The following GGA3 variants were observed in gnomAD, a reference collection of about 807,000 sequenced individuals.
GGA3 encodes the protein ADP-ribosylation factor-binding protein GGA3.
In GGA3, 57 loss-of-function variants were observed where a neutral mutation model predicts 77.5. That is an observed-to-expected ratio of 0.74 (90% CI 0.59 to 0.92). The LOEUF (loss-of-function observed/expected upper bound fraction) is 0.92, where lower values mean the gene tolerates loss of function less well. Ranked by LOEUF, GGA3 falls within the 40% of genes least tolerant of loss-of-function variation. GGA3 has a pLI of 0.00. For missense variants in GGA3, 970 were observed against 914.9 expected (o/e 1.06, Z -0.78); for synonymous variants, 416 against 383.7 (o/e 1.08, Z -0.98).
At chr17:75,261,125 A>C (rs1187474859) in intron 1 of GGA3, among the ~76,000 whole-genome samples, 3 of 152,198 alleles carry the variant, frequency 2.0e-5, no homozygotes, top group Non-Finnish European at 4.4e-5. Flanking sequence ...GGCAGCACCC[A>C]CCACTACCGG....
chr17:75,243,274 G>T (rs1354692539), intron 5 of GGA3, 108 bp from the exon 6 acceptor site: 8 of 1,122,962 alleles, frequency 7.1e-6, no homozygotes, highest in Non-Finnish European at 2.6e-6. Flanking sequence ...AAGGGTAGCA[G>T]GGTGGAGGGC....
rs774711149 is a variant in GGA3, at chr17:75,241,066, G to A, written c.947-9C>T. On this transcript the variant is annotated splice_polypyrimidine_tract_variant and intron_variant, in intron 10 of 16. Transcript: ENST00000537686. ...ACTGCACTGACTGTTTCCTGGATGG[G>A]TCAACAGAGCAGAACAGGAATAATT... 2 of 1,614,016 alleles carry A rather than the reference G, an allele frequency of 1.2e-6. No individual in the cohort carries two copies. The highest frequency in any genetic ancestry group is 4.5e-5 in the East Asian group (2 of 44,866).
At position 75,243,071 on chromosome 17, in the gene GGA3, TCTC is replaced by T. The variant is rs775155412; in HGVS notation, c.517_519del (p.Glu173del). The T allele has an allele frequency of 3.5e-5, 56 of 1,610,702 alleles. No homozygotes were observed. Among genetic ancestry groups the T allele is most frequent in the Admixed American group, 1.8e-4 (11 of 59,876 alleles). ...CCCAGGGTGTCCTTTACCTTGGACTTCTCCTCATCATCAAAAACAGGGTTTTTG... is the reference window on the plus strand; with the variant it reads ...CCCAGGGTGTCCTTTACCTTGGACTTCTCATCATCAAAAACAGGGTTTTTG... On this transcript the variant is annotated inframe_deletion, in exon 6 of 17. Transcript: ENST00000537686.
In GGA3 at chr17:75,238,766, AAGAG is replaced by A. The variant is rs762090715; in HGVS notation, c.1951-8_1951-5del. 8.7e-6 allele frequency: 14 copies of A among 1,609,510 alleles called. No homozygotes were observed. Among genetic ancestry groups the A allele is most frequent in the South Asian group, 2.2e-5 (2 of 90,838 alleles). On this transcript the variant is annotated splice_region_variant and splice_polypyrimidine_tract_variant and intron_variant, in intron 15 of 16. Transcript: ENST00000537686. ...GCTGCAACTTCACTTTCATTGACTA[AAGAG>A]AGAGAAACTCCTTTGAAGAGAACTG...
Position 75,244,675 on chromosome 17 carries a change from T to C in GGA3, c.244A>G (p.Asn82Asp). The C allele has an allele frequency of 1.2e-6, 2 of 1,614,040 alleles. No individual in the cohort carries two copies. Among genetic ancestry groups the C allele is most frequent in the Non-Finnish European group, 1.7e-6 (2 of 1,179,886 alleles). The change falls in exon 4 of 17, where the codon AAC (asparagine) becomes GAC (aspartate). Residue 82 changes from asparagine (N) to aspartate (D), a missense_variant. Coordinates refer to ENST00000537686, the MANE Select transcript of GGA3 (RefSeq NM_138619.4). ...AAAAAGCGGAACTTCCCCACTTCGT[T>C]ATGAAATCTCCTCCCACAGTTCTTC... Reference protein sequence around the residue: ...CMKNCGRRFHNEVGKFRFLNE... With the variant: ...CMKNCGRRFHDEVGKFRFLNE...
At chr17:75,258,453 T>G (rs2077231001) in intron 1 of GGA3, among the ~76,000 whole-genome samples, 1 of 152,100 alleles carries the variant, frequency 6.6e-6, no homozygotes, top group African/African-American at 2.4e-5. Flanking sequence ...GTGGCTCACT[T>G]GAGGTCAAGA....
intron 3 of GGA3, among the ~76,000 whole-genome samples, chr17:75,245,794 C>CTA (rs2076735643): frequency 1.3e-5 from 2 of 149,536 alleles, no homozygotes; most frequent in South Asian, 4.2e-4. Context: ...GGTGCTGGGA[C>CTA]TATAGGTACA....
At chr17:75,258,919 A>G (rs116541390) in intron 1 of GGA3, among the ~76,000 whole-genome samples, 1,645 of 151,286 alleles carry the variant, frequency 0.011, 27 homozygotes, top group African/African-American at 0.039. Context: ...AGTTCCCTAA[A>G]GAGAATGCCG....
At position 75,241,030 on chromosome 17, in the gene GGA3, G is replaced by A. The variant is rs755834137; in HGVS notation, c.974C>T (p.Thr325Met). 12 of 1,613,964 alleles carry A rather than the reference G, an allele frequency of 7.4e-6. No individual in the cohort carries two copies. The highest frequency in any genetic ancestry group is 6.7e-5 in the East Asian group (3 of 44,878). The change falls in exon 11 of 17, where the codon ACG becomes ATG. Residue 325 changes from threonine (T) to methionine (M), a missense_variant. Coordinates refer to ENST00000537686, the MANE Select transcript of GGA3 (RefSeq NM_138619.4). ...EGNSQCSNQG[T>M]LIDLAELDTT... Reference sequence around the variant, plus strand: ...GTCCAGCTCCGCAAGGTCGATGAGCGTGCCTTGGTTACTGCACTGACTGTT... The same window carrying A: ...GTCCAGCTCCGCAAGGTCGATGAGCATGCCTTGGTTACTGCACTGACTGTT...
At position 75,255,455 on chromosome 17, in the gene GGA3, C is replaced by T. The variant is rs545663948; in HGVS notation, c.40+6093G>A. Among the ~76,000 whole-genome samples, 158 of 152,224 alleles carry T rather than the reference C, an allele frequency of 1.0e-3. 1 individual carries two copies. In the South Asian group the frequency reaches 0.014, roughly 13 times the overall value. Reference sequence around the variant, plus strand: ...CGTCCTCCTCTTGTATTCCCCCCCACCTTAACCCACAAGTATAAGATACCT... The same window carrying T: ...CGTCCTCCTCTTGTATTCCCCCCCATCTTAACCCACAAGTATAAGATACCT... On this transcript the variant is annotated intron_variant, in intron 1 of 16. Transcript: ENST00000537686.
rs115859508 is a variant in GGA3 at position 75,245,792 on chromosome 17, G to A, written c.201+717C>T. 4.5e-3 allele frequency among the ~76,000 whole-genome samples: 670 copies of A among 150,214 alleles called. 7 individuals are homozygous for A. The highest frequency in any genetic ancestry group is 0.016 in the African/African-American group (634 of 39,608). ...CGGCCTAGGCCCCACAGGGTGCTGGGACTATAGGTACAAGCCACCGTGCCC... is the reference window on the plus strand; with the variant it reads ...CGGCCTAGGCCCCACAGGGTGCTGGAACTATAGGTACAAGCCACCGTGCCC... On this transcript the variant is annotated intron_variant, in intron 3 of 16. Coordinates refer to ENST00000537686, the MANE Select transcript of GGA3 (RefSeq NM_138619.4).
At chr17:75,240,151 A>C in intron 12 of GGA3, 43 bp from the exon 13 acceptor site, 20 of 406,178 alleles carry the variant, frequency 4.9e-5, no homozygotes, top group Non-Finnish European at 8.9e-5. Context: ...GCGGGTGGGG[A>C]GGGCCTGCCG....
In GGA3 at chr17:75,242,483, TGAA is replaced by T. The variant is rs749495563; in HGVS notation, c.610-13_610-11del. On this transcript the variant is annotated splice_polypyrimidine_tract_variant and intron_variant, in intron 7 of 16. Transcript: ENST00000537686. ...GGATCCGTGCCTCGTCCTGCCCCAG[TGAA>T]GAAGTTCAAGAGAAAGAGAGCGTCA... 1.9e-6 allele frequency: 3 copies of T among 1,614,148 alleles called. No individual in the cohort carries two copies. The South Asian group carries it at 3.3e-5, about 18-fold the overall frequency.
rs1385358800 is a variant in GGA3 at position 75,240,059 on chromosome 17, G to A, written c.1313C>T (p.Ala438Val). ...CAGAGGAGCATCGGAGGCGCCACAGGCAGCGGTCCCCGGCCTGGGGCTGAA... is the reference window on the plus strand; with the variant it reads ...CAGAGGAGCATCGGAGGCGCCACAGACAGCGGTCCCCGGCCTGGGGCTGAA... The part of the protein sequence containing the change: ...DFFSPRPGTA[A>V]CGASDAPLLQ... The change falls in exon 13 of 17, where the codon GCC becomes GTC. Residue 438 changes from alanine to valine, a missense_variant. By Grantham distance (64) the Ala-to-Val change is moderately conservative. Transcript: ENST00000537686. 6.4e-7 allele frequency: 1 copy of A among 1,551,718 alleles called. No homozygotes were observed. Among genetic ancestry groups the A allele is most frequent in the East Asian group, 2.4e-5 (1 of 41,286 alleles).
intron 7 of GGA3, among the ~76,000 whole-genome samples, 162 bp downstream of exon 7, chr17:75,242,669 G>A (rs915622063): frequency 2.1e-4 from 32 of 152,134 alleles, no homozygotes; most frequent in African/African-American, 7.2e-5. Flanking sequence ...GTGCTCCCGC[G>A]GAAGCTATTG....
Position 75,239,465 on chromosome 17 carries a change from G to A in GGA3, c.1690C>T (p.Pro564Ser). 1 of 1,581,584 alleles carries A rather than the reference G, an allele frequency of 6.3e-7. No homozygotes were observed. Among genetic ancestry groups the A allele is most frequent in the Non-Finnish European group, 8.5e-7 (1 of 1,171,180 alleles). The change falls in exon 14 of 17, where the codon CCA becomes TCA. Residue 564 changes from proline to serine, a missense_variant. Physicochemically the swap from Pro to Ser is moderately conservative, Grantham distance 74. Transcript: ENST00000537686. ...STGPGSPLFQPLSFQSQGSPP... is the reference protein window; with the variant it reads ...STGPGSPLFQSLSFQSQGSPP... Reference sequence around the variant, plus strand: ...CTGCCCTGGGACTGGAAACTCAGTGGCTGGAAGAGCGGGCTGCCGGGCCCC... The same window carrying A: ...CTGCCCTGGGACTGGAAACTCAGTGACTGGAAGAGCGGGCTGCCGGGCCCC...
intron 1 of GGA3, among the ~76,000 whole-genome samples, chr17:75,257,170 G>A (rs1168389846): frequency 3.3e-5 from 5 of 151,932 alleles, no homozygotes; most frequent in Non-Finnish European, 7.4e-5. Flanking sequence ...TCAGAAGTCA[G>A]ACCTGTCCTC....
rs755587319 is a variant in GGA3 at position 75,241,081 on chromosome 17, C to T, written c.947-24G>A. The T allele has an allele frequency of 3.7e-6, 6 of 1,613,882 alleles. No individual in the cohort carries two copies. In the East Asian group the frequency reaches 8.9e-5, roughly 24 times the overall value. ...TCCTGGATGGGTCAACAGAGCAGAA[C>T]AGGAATAATTAGGGGTCTTCTAGTG... is the stretch of plus-strand genomic sequence containing the variant. On this transcript the variant is annotated intron_variant, in intron 10 of 16. Coordinates refer to ENST00000537686, the MANE Select transcript of GGA3 (RefSeq NM_138619.4).
intron 12 of GGA3, 56 bp from the exon 13 acceptor site, chr17:75,240,164 G>T (rs1178072819): frequency 7.5e-6 from 10 of 1,330,684 alleles, no homozygotes; most frequent in East Asian, 5.0e-5. Flanking sequence ...GCCTGCCGCT[G>T]GAACGGGGCG....
Sources: allele counts gnomAD v4.1 joint callset (sites outside exome capture counted in the v4.1 genomes callset), GRCh38; gene constraint gnomAD v4.1.1; transcripts MANE v1.5; gene names NCBI Gene and HGNC (gene_info 2026-07-23, HGNC 2026-07-21).